Variants in SLC24A2 observed in about 807,000 individuals in gnomAD.
SLC24A2 encodes the protein sodium/potassium/calcium exchanger 2.
In SLC24A2, 36 loss-of-function variants were observed where a neutral mutation model predicts 62.0. That is an observed-to-expected ratio of 0.58 (90% CI 0.44 to 0.77). The LOEUF is 0.77. Among genes scored for constraint, SLC24A2 ranks in the 30% least tolerant of loss-of-function variants. The pLI is 0.00. For missense variants in SLC24A2, 846 were observed against 817.9 expected (o/e 1.03, Z -0.42); for synonymous variants, 358 against 294.0 (o/e 1.22, Z -2.23).
the SLC24A2 span, among the ~76,000 whole-genome samples, chr9:20,191,047 T>C: frequency 6.6e-6 from 1 of 152,202 alleles, no homozygotes; most frequent in Admixed American, 6.5e-5. Context: ...TATTTGTGAA[T>C]TGACTTTGAA....
chr9:19,634,550 A>T (rs1230179187), intron 2 of SLC24A2, among the ~76,000 whole-genome samples: 1 of 152,154 alleles, frequency 6.6e-6, no homozygotes, highest in African/African-American at 2.4e-5. Context: ...GGCCTCCCAA[A>T]GTGCCGGGAT....
At chr9:20,175,531 T>A in the SLC24A2 span, among the ~76,000 whole-genome samples, 1 of 152,018 alleles carries the variant, frequency 6.6e-6, no homozygotes, top group East Asian at 1.9e-4. Context: ...GCACAGTTTT[T>A]AAAAAATCAA....
intron 2 of SLC24A2, among the ~76,000 whole-genome samples, chr9:19,639,438 G>A (rs549141221): frequency 1.5e-3 from 231 of 152,270 alleles, no homozygotes; most frequent in African/African-American, 5.1e-3. Flanking sequence ...TTGCATGCCC[G>A]CAGATGGTCC....
chr9:19,915,581 C>A, the SLC24A2 span, among the ~76,000 whole-genome samples: 1 of 152,056 alleles, frequency 6.6e-6, no homozygotes, highest in Non-Finnish European at 1.5e-5. Flanking sequence ...TTATCCATAT[C>A]CTTACCAACA....
the SLC24A2 span, among the ~76,000 whole-genome samples, chr9:20,071,665 C>T: frequency 8.1e-4 from 124 of 152,230 alleles, 1 homozygote; most frequent in East Asian, 6.6e-3. Flanking sequence ...ACACAGAAGA[C>T]GACTAGAGGG....
the SLC24A2 span, among the ~76,000 whole-genome samples, chr9:20,012,028 A>C: frequency 6.6e-6 from 1 of 152,206 alleles, no homozygotes; most frequent in Non-Finnish European, 1.5e-5. Context: ...GTATAGAGGG[A>C]ATTTACTCAA....
intron 4 of SLC24A2, among the ~76,000 whole-genome samples, chr9:19,617,227 G>A (rs1292769393): frequency 6.6e-6 from 1 of 152,092 alleles, no homozygotes; most frequent in Non-Finnish European, 1.5e-5. Flanking sequence ...AATAGGGTTC[G>A]GCCCCCTGTG....
intron 9 of SLC24A2, among the ~76,000 whole-genome samples, chr9:19,523,229 A>C (rs1833280682): frequency 6.6e-6 from 1 of 152,198 alleles, no homozygotes; most frequent in African/African-American, 2.4e-5. Context: ...GAAGAGGAGA[A>C]AAATGGTGGT....
At chr9:19,842,168 A>G in the SLC24A2 span, among the ~76,000 whole-genome samples, 1 of 152,216 alleles carries the variant, frequency 6.6e-6, no homozygotes, top group Admixed American at 6.5e-5. Context: ...TTTCCTGCTC[A>G]TAATGCTTCT....
the SLC24A2 span, among the ~76,000 whole-genome samples, chr9:20,237,300 C>G: frequency 6.6e-6 from 1 of 152,192 alleles, no homozygotes; most frequent in Non-Finnish European, 1.5e-5. Flanking sequence ...TAGGGGCAGA[C>G]ACTGTGCTAG....
intron 2 of SLC24A2, among the ~76,000 whole-genome samples, chr9:19,699,576 T>C (rs1820296432): frequency 6.6e-6 from 1 of 152,198 alleles, no homozygotes. Flanking sequence ...CAATGTTAAT[T>C]AGAAAACCAG....
chr9:20,024,558 G>A, the SLC24A2 span, among the ~76,000 whole-genome samples: 19 of 152,270 alleles, frequency 1.2e-4, no homozygotes, highest in African/African-American at 4.6e-4. Context: ...GCTACCTGTG[G>A]CATTGGGAAC....
At chr9:20,076,061 G>T in the SLC24A2 span, among the ~76,000 whole-genome samples, 2 of 152,070 alleles carry the variant, frequency 1.3e-5, no homozygotes, top group African/African-American at 4.8e-5. Context: ...CAAGAAAAAA[G>T]TCTGAATGCT....
the SLC24A2 span, among the ~76,000 whole-genome samples, chr9:20,174,705 T>C: frequency 6.6e-6 from 1 of 151,928 alleles, no homozygotes; most frequent in African/African-American, 2.4e-5. Flanking sequence ...AAATAATAGA[T>C]GTTGGTGTGG....
At chr9:20,222,055 G>T in the SLC24A2 span, among the ~76,000 whole-genome samples, 1 of 152,018 alleles carries the variant, frequency 6.6e-6, no homozygotes, top group South Asian at 2.1e-4. Context: ...GGGAGTGGGG[G>T]CATTGCTCAT....
chr9:19,751,110 G>A (rs995749337), intron 2 of SLC24A2, among the ~76,000 whole-genome samples: 1 of 152,180 alleles, frequency 6.6e-6, no homozygotes, highest in African/African-American at 2.4e-5. Context: ...ACCTGGGGGA[G>A]GGAATATGCC....
In SLC24A2 at chr9:19,573,320, A is replaced by G. The variant is rs781320582; in HGVS notation, c.1347+31T>C. The G allele has an allele frequency of 2.1e-6, 3 of 1,407,084 alleles. No individual in the cohort carries two copies. In the African/African-American group the frequency reaches 4.3e-5, roughly 20 times the overall value. 87.2% of individuals were successfully genotyped at this position (1,407,084 alleles called of 1,614,324 possible). ...CGCTAGGATATCAGTTAAGAACAAC[A>G]GCCCAGAAGAGCAATGGAGAAAAGC... On this transcript the variant is annotated intron_variant, in intron 7 of 10. Coordinates refer to ENST00000341998, the MANE Select transcript of SLC24A2 (RefSeq NM_020344.4).
the SLC24A2 span, among the ~76,000 whole-genome samples, chr9:20,235,222 G>A: frequency 3.3e-3 from 506 of 152,346 alleles, 4 homozygotes; most frequent in African/African-American, 0.012. Context: ...CTCCAGCTGC[G>A]TACTGGGAGA....
chr9:20,284,981 G>C, the SLC24A2 span, among the ~76,000 whole-genome samples: 1 of 152,208 alleles, frequency 6.6e-6, no homozygotes, highest in Non-Finnish European at 1.5e-5. Flanking sequence ...ATTCAAGCAA[G>C]CCAAATATAA....
Sources: gnomAD v4.1 joint callset for allele counts (sites outside exome capture counted in the v4.1 genomes callset) on GRCh38, gnomAD v4.1.1 for gene constraint, MANE v1.5 for transcripts, NCBI Gene and HGNC (gene_info 2026-07-23, HGNC 2026-07-21) for gene names.